The following KIF16B variants were observed in gnomAD, a reference collection of about 807,000 sequenced individuals.
KIF16B encodes the protein kinesin family member 16B, also known as kinesin-like protein KIF16B.
KIF16B carries 98 observed loss-of-function variants against 156.3 expected under a neutral mutation model. The ratio of observed to expected loss-of-function variants is 0.63; its 90% CI spans 0.53 to 0.74. The LOEUF is 0.74. Among genes scored for constraint, KIF16B ranks in the 30% least tolerant of loss-of-function variants. The probability of loss-of-function intolerance (pLI) is 0.00; values close to 1 mark genes in which losing one functional copy is unlikely to be tolerated. For synonymous variants in KIF16B, 564 were observed against 583.7 expected (o/e 0.97, Z 0.49); for missense variants, 1,421 against 1,606.5 (o/e 0.88, Z 1.97).
intron 9 of KIF16B, among the ~76,000 whole-genome samples, chr20:16,505,327 G>T (rs1465811366): frequency 6.6e-6 from 1 of 151,952 alleles, no homozygotes; most frequent in Non-Finnish European, 1.5e-5. Context: ...TTATGCATTG[G>T]GTTTTTTTTT....
At chr20:16,560,794 GA>G (rs2071028622) in intron 1 of KIF16B, among the ~76,000 whole-genome samples, 2 of 151,896 alleles carry the variant, frequency 1.3e-5, no homozygotes, top group African/African-American at 2.4e-5. Flanking sequence ...CAAAAAAAAA[GA>G]AAAAAAGCTC....
At chr20:16,482,511 T>A (rs1218033385) in intron 12 of KIF16B, among the ~76,000 whole-genome samples, 1 of 151,968 alleles carries the variant, frequency 6.6e-6, no homozygotes, top group East Asian at 1.9e-4. Context: ...CACACCCGCA[T>A]TTGGAGCTCA....
intron 24 of KIF16B, among the ~76,000 whole-genome samples, chr20:16,325,238 G>A (rs886181314): frequency 6.6e-6 from 1 of 151,786 alleles, no homozygotes; most frequent in Non-Finnish European, 1.5e-5. Flanking sequence ...CTGAGAACTG[G>A]AGCAAGACAA....
intron 12 of KIF16B, among the ~76,000 whole-genome samples, chr20:16,464,247 T>G (rs994920996): frequency 1.3e-5 from 2 of 152,158 alleles, no homozygotes; most frequent in Non-Finnish European, 2.9e-5. Context: ...ACATTTAAAT[T>G]TATTTGCATG....
At chr20:16,305,146 AAAG>A (rs1317745578) in intron 25 of KIF16B, among the ~76,000 whole-genome samples, 1 of 152,176 alleles carries the variant, frequency 6.6e-6, no homozygotes, top group Non-Finnish European at 1.5e-5. Context: ...GAGAAAAATA[AAAG>A]AAAAGCAGTT....
intron 17 of KIF16B, among the ~76,000 whole-genome samples, chr20:16,397,515 A>G (rs2065538180): frequency 6.6e-6 from 1 of 152,248 alleles, no homozygotes; most frequent in African/African-American, 2.4e-5. Flanking sequence ...TATTTTTTAG[A>G]CATGGGCTGT....
At chr20:16,431,913 T>TACACACACACACAC (rs74175693) in intron 12 of KIF16B, among the ~76,000 whole-genome samples, 5,959 of 143,752 alleles carry the variant, frequency 0.041, 185 homozygotes, top group African/African-American at 0.078. Context: ...TGTATACGTA[T>TACACACACACACAC]ACACACACAC....
intron 25 of KIF16B, among the ~76,000 whole-genome samples, chr20:16,288,386 T>C (rs968312645): frequency 4.6e-5 from 7 of 152,262 alleles, no homozygotes; most frequent in Non-Finnish European, 7.3e-5. Context: ...TACAGATGTA[T>C]GGTATGTACC....
intron 3 of KIF16B, 30 bp downstream of exon 3, chr20:16,526,062 C>G: frequency 1.6e-6 from 2 of 1,236,430 alleles, no homozygotes; most frequent in Non-Finnish European, 2.3e-6. Context: ...GAAAATAAAT[C>G]AACATAAATA....
chr20:16,488,057 G>A (rs776803207), intron 12 of KIF16B, among the ~76,000 whole-genome samples: 11 of 152,116 alleles, frequency 7.2e-5, no homozygotes, highest in Admixed American at 2.0e-4. Context: ...TCTCCCACCC[G>A]CTGCCACACC....
intron 12 of KIF16B, among the ~76,000 whole-genome samples, chr20:16,447,012 C>T (rs907782921): frequency 1.4e-4 from 21 of 152,154 alleles, no homozygotes; most frequent in African/African-American, 4.8e-4. Flanking sequence ...GTGCTGAGCA[C>T]AGGGCAGGCA....
chr20:16,371,903 A>G (rs3746783), intron 20 of KIF16B, 142 bp from the exon 21 acceptor site: 107,981 of 596,782 alleles, frequency 0.18, 10,896 homozygotes, highest in East Asian at 0.34. Flanking sequence ...GAACTTCAAC[A>G]TTTTTATTTT....
intron 12 of KIF16B, among the ~76,000 whole-genome samples, chr20:16,445,007 T>C (rs536255738): frequency 6.6e-6 from 1 of 152,306 alleles, no homozygotes; most frequent in African/African-American, 2.4e-5. Context: ...CACACATGCA[T>C]TTACTATAGA....
chr20:16,514,887 A>G (rs895858507), intron 4 of KIF16B, among the ~76,000 whole-genome samples: 5 of 67,420 alleles, frequency 7.4e-5, no homozygotes, highest in Non-Finnish European at 1.7e-4. Flanking sequence ...TTCCATCTCA[A>G]AAAAAAAAAA....
intron 11 of KIF16B, among the ~76,000 whole-genome samples, chr20:16,496,555 T>C (rs1160604078): frequency 1.3e-5 from 2 of 152,214 alleles, no homozygotes; most frequent in African/African-American, 4.8e-5. Context: ...AACTAGATGA[T>C]AATTTAGAAA....
chr20:16,281,461 C>T (rs1199416913), intron 25 of KIF16B, among the ~76,000 whole-genome samples: 1 of 152,134 alleles, frequency 6.6e-6, no homozygotes, highest in Admixed American at 6.5e-5. Flanking sequence ...TTCAGGTCAC[C>T]CCTGGCTATG....
intron 12 of KIF16B, among the ~76,000 whole-genome samples, chr20:16,452,645 C>T (rs1385177618): frequency 6.6e-6 from 1 of 151,972 alleles, no homozygotes; most frequent in African/African-American, 2.4e-5. Flanking sequence ...ACCATCCTGG[C>T]TAACACAGTG....
chr20:16,397,278 A>G (rs1316153072), intron 17 of KIF16B, among the ~76,000 whole-genome samples: 1 of 152,216 alleles, frequency 6.6e-6, no homozygotes, highest in African/African-American at 2.4e-5. Flanking sequence ...CTAACTCCCA[A>G]AGGAAGTCAC....
chr20:16,552,233 C>T (rs6514689), intron 1 of KIF16B, among the ~76,000 whole-genome samples: 85,612 of 151,996 alleles, frequency 0.56, 24,252 homozygotes, highest in African/African-American at 0.62. Context: ...TAGGAAGCTC[C>T]CTAACACAAG....
Sources: allele counts gnomAD v4.1 joint callset (sites outside exome capture counted in the v4.1 genomes callset), GRCh38; gene constraint gnomAD v4.1.1; transcripts MANE v1.5; gene names NCBI Gene and HGNC (gene_info 2026-07-23, HGNC 2026-07-21).